Variants in EYA1 observed in about 807,000 individuals in gnomAD.
The protein encoded by EYA1 is EYA transcriptional coactivator and phosphatase 1.
EYA1 carries 16 observed loss-of-function variants against 82.0 expected under a neutral mutation model. The observed-to-expected ratio is 0.20, with a 90% CI of 0.13 to 0.30. EYA1 has a LOEUF of 0.30. EYA1 is among the 10% of genes least tolerant of loss of function. The probability of loss-of-function intolerance (pLI) is 1.00; values close to 1 mark genes in which losing one functional copy is unlikely to be tolerated. For missense variants in EYA1, 633 were observed against 730.7 expected, an observed-to-expected ratio of 0.87 and a Z score of 1.54; for synonymous variants, 261 against 264.4, an observed-to-expected ratio of 0.99 and a Z score of 0.12.
At chr8:71,332,634 C>T in intron 4 of EYA1, among the ~76,000 whole-genome samples, 1 of 152,226 alleles carries the variant, frequency 6.6e-6, no homozygotes, top group Non-Finnish European at 1.5e-5. Context: ...CCTAATTCAT[C>T]CTGCCATGGT....
chr8:71,304,505 G>A (rs1025590705), intron 7 of EYA1, among the ~76,000 whole-genome samples: 1 of 142,516 alleles, frequency 7.0e-6, no homozygotes, highest in Non-Finnish European at 1.6e-5. Context: ...TTCTTCCTAG[G>A]CAAATACCTG....
chr8:71,498,229 G>A (rs1243222553), intron 2 of EYA1, among the ~76,000 whole-genome samples: 1 of 152,168 alleles, frequency 6.6e-6, no homozygotes, highest in East Asian at 1.9e-4. Context: ...TGGTAACTAT[G>A]TGAGGTAATG....
chr8:71,205,921 A>C (rs1473403452), intron 17 of EYA1, among the ~76,000 whole-genome samples: 1 of 152,214 alleles, frequency 6.6e-6, no homozygotes, highest in Non-Finnish European at 1.5e-5. Flanking sequence ...GCAATGTAAA[A>C]TGTTTTGATT....
chr8:71,206,779 A>G (rs1807831102), intron 17 of EYA1, among the ~76,000 whole-genome samples: 1 of 152,068 alleles, frequency 6.6e-6, no homozygotes, highest in Admixed American at 6.6e-5. Flanking sequence ...TCTTTGGGAC[A>G]GGATCTCATT....
chr8:71,345,575 T>C (rs1825605409), intron 3 of EYA1, among the ~76,000 whole-genome samples: 1 of 152,204 alleles, frequency 6.6e-6, no homozygotes, highest in South Asian at 2.1e-4. Context: ...GTGTTTTTTT[T>C]AGTTTAGGTA....
intron 2 of EYA1, among the ~76,000 whole-genome samples, chr8:71,513,937 CT>C (rs1290907857): frequency 6.6e-6 from 1 of 152,106 alleles, no homozygotes; most frequent in Non-Finnish European, 1.5e-5. Flanking sequence ...ATGTGAGATC[CT>C]GTCATTTGCA....
intron 9 of EYA1, among the ~76,000 whole-genome samples, chr8:71,296,546 C>A (rs1324670128): frequency 6.6e-6 from 1 of 150,766 alleles, no homozygotes; most frequent in Non-Finnish European, 1.5e-5. Context: ...GAAACCAGGT[C>A]ATACATAAGA....
chr8:71,374,543 A>G (rs772572996), intron 2 of EYA1, among the ~76,000 whole-genome samples: 1 of 152,220 alleles, frequency 6.6e-6, no homozygotes, highest in Non-Finnish European at 1.5e-5. Context: ...TGAGAATGTA[A>G]TTGGTACAGC....
intron 7 of EYA1, among the ~76,000 whole-genome samples, chr8:71,304,430 CCTT>C (rs1452427257): frequency 3.5e-5 from 5 of 142,574 alleles, no homozygotes; most frequent in Admixed American, 2.1e-4. Flanking sequence ...GAGTTATTTC[CCTT>C]TTTTATGACC....
At chr8:71,529,415 T>G (rs1814083464) in intron 2 of EYA1, 1 of 152,234 alleles carries the variant, frequency 6.6e-6, no homozygotes, top group Admixed American at 6.5e-5. Context: ...AATAATTATA[T>G]ATTCATTATT....
At chr8:71,265,844 C>A (rs1221037249) in intron 11 of EYA1, among the ~76,000 whole-genome samples, 1 of 152,176 alleles carries the variant, frequency 6.6e-6, no homozygotes, top group East Asian at 1.9e-4. Context: ...CACTCACAAG[C>A]TCTTCAATTT....
At chr8:71,283,875 C>G (rs971587378) in intron 9 of EYA1, among the ~76,000 whole-genome samples, 1 of 152,080 alleles carries the variant, frequency 6.6e-6, no homozygotes, top group African/African-American at 2.4e-5. Flanking sequence ...TTATTTCTAC[C>G]CAGATCTGTT....
At chr8:71,343,306 G>T (rs1416477947) in intron 3 of EYA1, among the ~76,000 whole-genome samples, 1 of 152,116 alleles carries the variant, frequency 6.6e-6, no homozygotes, top group Admixed American at 6.5e-5. Flanking sequence ...TGATTTAGTT[G>T]GTGCTATGGT....
chr8:71,252,648 A>C (rs1469340467), intron 11 of EYA1, among the ~76,000 whole-genome samples: 1 of 152,178 alleles, frequency 6.6e-6, no homozygotes, highest in African/African-American at 2.4e-5. Flanking sequence ...TATCACCAGG[A>C]AAGATGACCC....
chr8:71,523,695 T>G (rs1813612729), intron 2 of EYA1, among the ~76,000 whole-genome samples: 1 of 152,218 alleles, frequency 6.6e-6, no homozygotes, highest in Non-Finnish European at 1.5e-5. Flanking sequence ...TTCTGTGAAT[T>G]ATAGTCCCCA....
Position 71,361,795 on chromosome 8 carries a change from G to C in EYA1, c.-203C>G. 1.0e-6 allele frequency: 1 copy of C among 985,498 alleles called. No individual in the cohort carries two copies. Among genetic ancestry groups the C allele is most frequent in the South Asian group, 4.7e-5 (1 of 21,290 alleles). 61.0% of individuals were successfully genotyped at this position (985,498 alleles called of 1,614,324 possible). On this transcript the variant is annotated 5_prime_UTR_variant, in exon 1 of 18. Transcript: ENST00000340726. ...TGGTGCAGCCGCGGCGCTTCTGGGA[G>C]TGGAGCGCCTCTGCAGGGGAAAGCT...
At chr8:71,408,765 T>A (rs1051422724) in intron 2 of EYA1, among the ~76,000 whole-genome samples, 40 of 139,174 alleles carry the variant, frequency 2.9e-4, no homozygotes, top group African/African-American at 1.1e-3. Context: ...CTCCCACACA[T>A]TAATAATGGG....
intron 2 of EYA1, chr8:71,449,124 T>C (rs1438492808): frequency 6.0e-6 from 1 of 165,600 alleles, no homozygotes; most frequent in East Asian, 1.8e-4. Context: ...ATGACGGTTG[T>C]CTTTGGATTC....
At chr8:71,416,169 G>C (rs1219517552) in intron 2 of EYA1, among the ~76,000 whole-genome samples, 1 of 152,168 alleles carries the variant, frequency 6.6e-6, no homozygotes, top group Non-Finnish European at 1.5e-5. Flanking sequence ...TGAGCACTAG[G>C]GGCATTTTTT....
Sources: gnomAD v4.1 joint callset for allele counts (sites outside exome capture counted in the v4.1 genomes callset) on GRCh38, gnomAD v4.1.1 for gene constraint, MANE v1.5 for transcripts, NCBI Gene and HGNC (gene_info 2026-07-23, HGNC 2026-07-21) for gene names.